The following GPC5 variants were observed in gnomAD, a reference collection of about 807,000 sequenced individuals.
GPC5 encodes the protein glypican-5.
A neutral mutation model predicts 53.9 loss-of-function variants in GPC5; 47 were observed. The ratio of observed to expected loss-of-function variants is 0.87; its 90% CI spans 0.69 to 1.11. The LOEUF is 1.11. Among genes scored for constraint, GPC5 ranks in the 50% most tolerant of loss-of-function variants. GPC5 has a pLI of 0.00. For missense variants in GPC5, 748 were observed against 713.1 expected (o/e 1.05, Z -0.56); for synonymous variants, 286 against 263.3 (o/e 1.09, Z -0.84).
At chr13:92,137,256 G>T (rs2041791904) in intron 6 of GPC5, among the ~76,000 whole-genome samples, 1 of 152,192 alleles carries the variant, frequency 6.6e-6, no homozygotes, top group Non-Finnish European at 1.5e-5. Context: ...TGTGTGGCTG[G>T]AATTCAAAAT....
chr13:92,552,763 A>T (rs1180882051), intron 7 of GPC5, among the ~76,000 whole-genome samples: 1 of 151,896 alleles, frequency 6.6e-6, no homozygotes, highest in Non-Finnish European at 1.5e-5. Flanking sequence ...CTTTTTAAAT[A>T]ATTTAACCTG....
intron 7 of GPC5, among the ~76,000 whole-genome samples, chr13:92,617,162 C>A (rs1357560921): frequency 6.6e-6 from 1 of 152,174 alleles, no homozygotes; most frequent in Non-Finnish European, 1.5e-5. Flanking sequence ...GACTTTGGAA[C>A]ATCTCTGAAG....
chr13:92,389,716 CA>C (rs1874907181), intron 7 of GPC5, among the ~76,000 whole-genome samples: 1 of 152,032 alleles, frequency 6.6e-6, no homozygotes, highest in Non-Finnish European at 1.5e-5. Context: ...AAGAGCAAAT[CA>C]GTTTGGAACC....
chr13:92,361,942 C>T (rs1162081788), intron 7 of GPC5, among the ~76,000 whole-genome samples: 1 of 151,394 alleles, frequency 6.6e-6, no homozygotes, highest in African/African-American at 2.5e-5. Flanking sequence ...ATGTAAGACA[C>T]CCAGGTTTAA....
intron 7 of GPC5, among the ~76,000 whole-genome samples, chr13:92,258,195 G>A (rs571731509): frequency 6.5e-4 from 99 of 152,142 alleles, no homozygotes; most frequent in African/African-American, 2.0e-3. Flanking sequence ...TAATTTATTT[G>A]GAGATTCTAA....
chr13:92,062,696 A>C (rs1323063496), intron 6 of GPC5, among the ~76,000 whole-genome samples: 2 of 152,024 alleles, frequency 1.3e-5, no homozygotes, highest in Non-Finnish European at 2.9e-5. Flanking sequence ...AATGTGGACT[A>C]TCTAGGTGCA....
chr13:92,326,607 G>C (rs888865252), intron 7 of GPC5, among the ~76,000 whole-genome samples: 1 of 152,042 alleles, frequency 6.6e-6, no homozygotes, highest in African/African-American at 2.4e-5. Flanking sequence ...CAAACTATAG[G>C]CACTTCAATA....
At chr13:92,508,087 C>T (rs1231832761) in intron 7 of GPC5, among the ~76,000 whole-genome samples, 3 of 152,084 alleles carry the variant, frequency 2.0e-5, no homozygotes, top group Non-Finnish European at 4.4e-5. Flanking sequence ...CCTCAGCCTC[C>T]CCAGTAGCTG....
chr13:92,790,027 G>A (rs571489321), intron 7 of GPC5, among the ~76,000 whole-genome samples: 1 of 152,140 alleles, frequency 6.6e-6, no homozygotes, highest in Non-Finnish European at 1.5e-5. Context: ...AAAGCATCCA[G>A]CACGGTAGAA....
intron 2 of GPC5, among the ~76,000 whole-genome samples, chr13:91,506,963 A>G (rs2139316749): frequency 6.6e-6 from 1 of 152,326 alleles, no homozygotes; most frequent in South Asian, 2.1e-4. Flanking sequence ...TGAAAACATA[A>G]GTCCCAATGC....
chr13:92,725,330 TCTC>T (rs780522380), intron 7 of GPC5, among the ~76,000 whole-genome samples: 1 of 151,510 alleles, frequency 6.6e-6, no homozygotes, highest in Non-Finnish European at 1.5e-5. Context: ...ATATATCTGT[TCTC>T]CTAATCCTTT....
intron 1 of GPC5, among the ~76,000 whole-genome samples, chr13:91,445,091 C>A (rs373503419): frequency 1.3e-5 from 2 of 152,160 alleles, no homozygotes; most frequent in African/African-American, 2.4e-5. Context: ...CCCTTCTTCA[C>A]GGTTTCATGG....
intron 5 of GPC5, among the ~76,000 whole-genome samples, chr13:91,900,496 A>G (rs1168650317): frequency 6.6e-6 from 1 of 152,136 alleles, no homozygotes; most frequent in South Asian, 2.1e-4. Flanking sequence ...AAACTCGTAT[A>G]GCATTATTGG....
chr13:92,257,373 G>A (rs553611565), intron 7 of GPC5, among the ~76,000 whole-genome samples: 1 of 151,722 alleles, frequency 6.6e-6, no homozygotes, highest in African/African-American at 2.4e-5. Context: ...TGATACTTAG[G>A]TATGATAATA....
At chr13:92,487,092 G>A (rs539042418) in intron 7 of GPC5, among the ~76,000 whole-genome samples, 6 of 152,226 alleles carry the variant, frequency 3.9e-5, no homozygotes, top group African/African-American at 1.4e-4. Flanking sequence ...CTGACCTCAG[G>A]TGATCTGCCT....
chr13:91,478,822 T>TATACAC lies in GPC5; in HGVS notation c.325+29901_325+29902insTACACA, dbSNP rs1323023652. 5.4e-5 allele frequency among the ~76,000 whole-genome samples: 5 copies of TATACAC among 92,176 alleles called. 1 individual carries two copies. Among genetic ancestry groups the TATACAC allele is most frequent in the African/African-American group, 2.6e-4 (5 of 19,332 alleles). 60.5% of individuals were successfully genotyped at this position (92,176 alleles called of 152,430 possible). On this transcript the variant is annotated intron_variant, in intron 2 of 7. Coordinates refer to ENST00000377067, the MANE Select transcript of GPC5 (RefSeq NM_004466.6). Reference sequence around the variant, plus strand: ...ATATATATATATATATATATATATATACACACACACACATATATATACACA... The same window carrying TATACAC: ...ATATATATATATATATATATATATATATACACACACACACACACATATATATACACA...
chr13:92,700,739 T>G (rs1282727433), intron 7 of GPC5, among the ~76,000 whole-genome samples: 1 of 152,118 alleles, frequency 6.6e-6, no homozygotes, highest in Admixed American at 6.6e-5. Context: ...CCAGCTTTTC[T>G]CTGAGGTTAC....
chr13:91,985,242 C>T (rs1200265807), intron 6 of GPC5, among the ~76,000 whole-genome samples: 3 of 152,208 alleles, frequency 2.0e-5, no homozygotes, highest in Middle Eastern at 3.4e-3. Flanking sequence ...GCCTTAAAGT[C>T]GGCTTTGACT....
chr13:91,854,969 C>T (rs1486406625), intron 5 of GPC5, among the ~76,000 whole-genome samples: 5 of 151,570 alleles, frequency 3.3e-5, no homozygotes, highest in African/African-American at 1.2e-4. Context: ...AAGATGTTCA[C>T]TATTTTATGT....
Sources: gnomAD v4.1 joint callset for allele counts (sites outside exome capture counted in the v4.1 genomes callset) on GRCh38, gnomAD v4.1.1 for gene constraint, MANE v1.5 for transcripts, NCBI Gene and HGNC (gene_info 2026-07-23, HGNC 2026-07-21) for gene names.